Variants in SLC6A15 observed in about 807,000 individuals in gnomAD.
SLC6A15 encodes the protein sodium-dependent neutral amino acid transporter B(0)AT2.
SLC6A15 carries 33 observed loss-of-function variants against 68.5 expected under a neutral mutation model. The observed-to-expected ratio is 0.48, with a 90% CI of 0.37 to 0.64. The LOEUF is 0.64. Among genes scored for constraint, SLC6A15 ranks in the 30% least tolerant of loss-of-function variants. SLC6A15 has a pLI of 0.00. For missense variants in SLC6A15, 747 were observed against 874.3 expected, an observed-to-expected ratio of 0.85 and a Z score of 1.84; for synonymous variants, 347 against 301.0, an observed-to-expected ratio of 1.15 and a Z score of -1.58.
At chr12:84,863,384 T>C in intron 11 of SLC6A15, 55 bp downstream of exon 11, 2 of 1,420,216 alleles carry the variant, frequency 1.4e-6, no homozygotes, top group Non-Finnish European at 1.9e-6. Context: ...AAAAGCCCTC[T>C]AAAAAAGCTT....
rs182210207 is a variant in SLC6A15, at chr12:84,892,929, A to C, written c.-188-621T>G. ...CTCAGTCCCAGAAGTAGCTGGGACT[A>C]CAGGTGTGTACCACCACACCCAGCT... On this transcript the variant is annotated intron_variant, in intron 1 of 11. Coordinates refer to ENST00000266682, the MANE Select transcript of SLC6A15 (RefSeq NM_182767.6). 2.8e-4 allele frequency among the ~76,000 whole-genome samples: 43 copies of C among 152,312 alleles called. 1 individual carries two copies. Among genetic ancestry groups the C allele is most frequent in the Admixed American group, 2.5e-3 (38 of 15,296 alleles).
At chr12:84,884,434 T>C (rs1234811449) in intron 4 of SLC6A15, among the ~76,000 whole-genome samples, 1 of 151,984 alleles carries the variant, frequency 6.6e-6, no homozygotes, top group Non-Finnish European at 1.5e-5. Context: ...GCCTCCCAAG[T>C]AGCTGGGATT....
At position 84,885,939 on chromosome 12, in the gene SLC6A15, A is replaced by G. The variant is rs1197977117; in HGVS notation, c.419T>C (p.Leu140Pro). The G allele has an allele frequency of 1.2e-6, 2 of 1,609,956 alleles. No homozygotes were observed. Among genetic ancestry groups the G allele is most frequent in the South Asian group, 1.1e-5 (1 of 90,260 alleles). ...IGVWNYISPK[L>P]GGIGFASCVV... ...ACAACTTGCAAATCCAATCCCGCCC[A>G]GTTTAGGGCTTATGTAATTCCATAC... Residue 140 changes from leucine (L) to proline (P), a missense_variant, in exon 3 of 12, where the codon CTG (leucine) becomes CCG (proline). By Grantham distance (98) the Leu-to-Pro change is moderately conservative. Transcript: ENST00000266682.
Position 84,863,516 on chromosome 12 carries a change from G to A in SLC6A15, c.1741C>T (p.Leu581=), listed in dbSNP as rs1046829248. 3.8e-6 allele frequency: 6 copies of A among 1,595,576 alleles called. No individual in the cohort carries two copies. The highest frequency in any genetic ancestry group is 1.4e-5 in the African/African-American group (1 of 73,766). The change falls in exon 11 of 12, where the codon CTA becomes TTA. Residue 581 remains leucine (L), a synonymous_variant. Coordinates refer to ENST00000266682, the MANE Select transcript of SLC6A15 (RefSeq NM_182767.6). ...YMWKYISPLM[L]LSLLIASVVN... ...ACACTAGCTATTAGCAATGATAATA[G>A]CATTAGAGGAGAAATATATTTCCAC...
chr12:84,863,708 T>C (rs1175528475), intron 10 of SLC6A15, 107 bp from the exon 11 acceptor site: 2 of 743,006 alleles, frequency 2.7e-6, no homozygotes, highest in Non-Finnish European at 4.0e-6. Flanking sequence ...TGATACCCTA[T>C]GACATTTTAT....
chr12:84,885,103 G>T (rs1407338384), intron 4 of SLC6A15, among the ~76,000 whole-genome samples: 1 of 151,794 alleles, frequency 6.6e-6, no homozygotes, highest in Non-Finnish European at 1.5e-5. Flanking sequence ...TCTTATTTCT[G>T]TCCCCTTTCT....
At chr12:84,892,336 C>G (rs534535939) in intron 1 of SLC6A15, 28 bp from the exon 2 acceptor site, 4 of 416,534 alleles carry the variant, frequency 9.6e-6, no homozygotes, top group African/African-American at 6.2e-5. Context: ...GAAATGTGAT[C>G]ATATTTAATG....
intron 10 of SLC6A15, among the ~76,000 whole-genome samples, chr12:84,866,223 G>A (rs377444088): frequency 2.0e-4 from 30 of 152,250 alleles, no homozygotes; most frequent in African/African-American, 7.2e-4. Flanking sequence ...CTCAGTCCAT[G>A]TATGTGATTA....
chr12:84,912,014 C>A (rs1271771206), intron 1 of SLC6A15: 2 of 152,338 alleles, frequency 1.3e-5, no homozygotes, highest in Middle Eastern at 3.4e-3. Context: ...CTAAAGCGAA[C>A]GGAAGCGAAT....
At chr12:84,900,457 C>G (rs771210187) in intron 1 of SLC6A15, among the ~76,000 whole-genome samples, 14 of 151,230 alleles carry the variant, frequency 9.3e-5, no homozygotes, top group Non-Finnish European at 1.6e-4. Context: ...TTTCTCTTGA[C>G]TTATTTTACT....
intron 2 of SLC6A15, among the ~76,000 whole-genome samples, chr12:84,890,098 A>C (rs1872319482): frequency 6.6e-6 from 1 of 152,194 alleles, no homozygotes; most frequent in African/African-American, 2.4e-5. Context: ...TGGTGAGTAC[A>C]ATCTTTGGTA....
At chr12:84,873,468 T>C in intron 6 of SLC6A15, 140 bp from the exon 7 acceptor site, 1 of 1,006,900 alleles carries the variant, frequency 9.9e-7, no homozygotes, top group Non-Finnish European at 1.4e-6. Flanking sequence ...TAATATGTTC[T>C]TAAGCATAAA....
chr12:84,912,300 G>T (rs1592621853), intron 1 of SLC6A15, among the ~76,000 whole-genome samples: 1 of 152,102 alleles, frequency 6.6e-6, no homozygotes, highest in Non-Finnish European at 1.5e-5. Context: ...CCCCCACCCT[G>T]ATTGTACAGA....
intron 5 of SLC6A15, among the ~76,000 whole-genome samples, chr12:84,878,329 G>T (rs1489297411): frequency 6.6e-6 from 1 of 151,984 alleles, no homozygotes; most frequent in Non-Finnish European, 1.5e-5. Context: ...AATGCTTTCG[G>T]ATGGATTTTT....
chr12:84,912,123 C>T (rs1274849696), intron 1 of SLC6A15: 2 of 152,474 alleles, frequency 1.3e-5, no homozygotes, highest in East Asian at 3.9e-4. Flanking sequence ...ACCCTCCCAA[C>T]TTTCCTCTTG....
chr12:84,911,279 A>C (rs1329672264), intron 1 of SLC6A15, among the ~76,000 whole-genome samples: 1 of 152,172 alleles, frequency 6.6e-6, no homozygotes, highest in Non-Finnish European at 1.5e-5. Flanking sequence ...CAAATCCTTC[A>C]TTTCTCCCAT....
At position 84,863,608 on chromosome 12, in the gene SLC6A15, A is replaced by G; in HGVS notation, c.1656-7T>C. 6.6e-7 allele frequency: 1 copy of G among 1,509,898 alleles called. No individual in the cohort carries two copies. 93.5% of individuals were successfully genotyped at this position (1,509,898 alleles called of 1,614,324 possible). On this transcript the variant is annotated splice_polypyrimidine_tract_variant and splice_region_variant and intron_variant, in intron 10 of 11. Coordinates refer to ENST00000266682, the MANE Select transcript of SLC6A15 (RefSeq NM_182767.6). ...TTTTAGGTCTTCCATAAACCTGAAT[A>G]AAAAGAAAGTATTTAATTATTCCTT...
intron 6 of SLC6A15, among the ~76,000 whole-genome samples, chr12:84,875,653 T>C (rs1389001447): frequency 4.5e-3 from 1 of 224 alleles, no homozygotes; most frequent in African/African-American, 0.013. Context: ...GTGCACCATA[T>C]ATATATATAT....
In SLC6A15 at chr12:84,861,583, G is replaced by A; in HGVS notation, c.*49C>T. ...TAATGCTTCTCCTACTAGGGCCAAT[G>A]TTCATTGGTAAAAATGAACCAAATA... On this transcript the variant is annotated 3_prime_UTR_variant, in exon 12 of 12. Coordinates refer to ENST00000266682, the MANE Select transcript of SLC6A15 (RefSeq NM_182767.6). The A allele has an allele frequency of 6.5e-7, 1 of 1,544,320 alleles. No individual in the cohort carries two copies.
Sources: gnomAD v4.1 joint callset for allele counts (sites outside exome capture counted in the v4.1 genomes callset) on GRCh38, gnomAD v4.1.1 for gene constraint, MANE v1.5 for transcripts, NCBI Gene and HGNC (gene_info 2026-07-23, HGNC 2026-07-21) for gene names.